The following DIAPH2 variants were observed in gnomAD, a reference collection of about 807,000 sequenced individuals.
DIAPH2 encodes the protein diaphanous related formin 2, also known as protein diaphanous homolog 2.
In DIAPH2, 35 loss-of-function variants were observed where a neutral mutation model predicts 92.7. The ratio of observed to expected loss-of-function variants is 0.38; its 90% confidence interval spans 0.29 to 0.50. The LOEUF (loss-of-function observed/expected upper bound fraction) is 0.50, where lower values mean the gene tolerates loss of function less well. Ranked by LOEUF, DIAPH2 falls within the 20% of genes least tolerant of loss-of-function variation. DIAPH2 has a pLI of 0.94. For synonymous variants in DIAPH2, 301 were observed against 280.4 expected (o/e 1.07, Z -0.73); for missense variants, 701 against 819.5 (o/e 0.86, Z 1.77).
At chrX:97,079,650 G>A (rs1030965713) in intron 19 of DIAPH2, among the ~76,000 whole-genome samples, 3 of 111,377 alleles carry the variant, frequency 2.7e-5, no homozygotes, top group Non-Finnish European at 3.8e-5. Flanking sequence ...TAGAATATCA[G>A]GACCAATGGA....
intron 22 of DIAPH2, among the ~76,000 whole-genome samples, chrX:97,214,373 G>A (rs1260877030): frequency 9.0e-6 from 1 of 110,835 alleles, no homozygotes; most frequent in African/African-American, 3.3e-5. Context: ...GGAGGCTAAG[G>A]CAGGAAGACT....
chrX:97,377,992 TA>T (rs1214705584), intron 24 of DIAPH2, among the ~76,000 whole-genome samples: 27 of 104,698 alleles, frequency 2.6e-4, no homozygotes, highest in African/African-American at 4.1e-4. Flanking sequence ...CCAGAAAACT[TA>T]AAAAAAAAAA....
intron 24 of DIAPH2, among the ~76,000 whole-genome samples, chrX:97,377,372 A>AGTAGGTTT (rs1393468142): frequency 8.9e-6 from 1 of 112,164 alleles, no homozygotes; most frequent in Non-Finnish European, 1.9e-5. Flanking sequence ...CTGGTAATGC[A>AGTAGGTTT]GTAGGTTTGT....
chrX:96,824,496 AC>A (rs1308939642), intron 4 of DIAPH2, among the ~76,000 whole-genome samples: 1 of 110,915 alleles, frequency 9.0e-6, no homozygotes, highest in South Asian at 3.8e-4. Flanking sequence ...AAAAAAAAAA[AC>A]AAATAAATGC....
At chrX:96,766,435 G>C (rs2147608669) in intron 4 of DIAPH2, among the ~76,000 whole-genome samples, 1 of 110,554 alleles carries the variant, frequency 9.0e-6, no homozygotes, top group East Asian at 2.9e-4. Context: ...GTTTAGGTGG[G>C]ATGGTTGTCT....
At chrX:96,863,849 C>T (rs1175887117) in intron 4 of DIAPH2, among the ~76,000 whole-genome samples, 1 of 111,389 alleles carries the variant, frequency 9.0e-6, no homozygotes, top group Non-Finnish European at 1.9e-5. Context: ...ACTACTTGAG[C>T]CCAGAAGTTC....
At chrX:97,239,834 A>ATC (rs370959933) in intron 22 of DIAPH2, among the ~76,000 whole-genome samples, 1,261 of 98,092 alleles carry the variant, frequency 0.013, 14 homozygotes, top group South Asian at 0.1. Flanking sequence ...TCTAGTAAAA[A>ATC]TCTCTCTCTC....
chrX:97,577,243 C>T (rs956871924), intron 26 of DIAPH2, among the ~76,000 whole-genome samples: 6 of 112,045 alleles, frequency 5.4e-5, no homozygotes, highest in South Asian at 3.7e-4. Context: ...TTGTCCTGCA[C>T]GAATATGTAT....
intron 26 of DIAPH2, among the ~76,000 whole-genome samples, chrX:97,485,145 C>T (rs927229542): frequency 2.2e-4 from 25 of 111,599 alleles, no homozygotes; most frequent in Admixed American, 2.2e-3. Flanking sequence ...CTGTAAATAC[C>T]GAAGGCAATT....
intron 22 of DIAPH2, among the ~76,000 whole-genome samples, chrX:97,242,758 C>T (rs748888027): frequency 1.8e-5 from 2 of 110,300 alleles, no homozygotes; most frequent in East Asian, 2.8e-4. Flanking sequence ...AAATGTGGCA[C>T]CCCACTGCAA....
chrX:96,758,857 CTTG>C (rs756254163), intron 4 of DIAPH2, among the ~76,000 whole-genome samples: 22 of 110,856 alleles, frequency 2.0e-4, no homozygotes, highest in Non-Finnish European at 3.6e-4. Flanking sequence ...ATTGAAAGGA[CTTG>C]TTGTTATTAG....
chrX:97,333,240 C>T (rs771623292), intron 23 of DIAPH2, among the ~76,000 whole-genome samples: 2 of 111,882 alleles, frequency 1.8e-5, no homozygotes, highest in Non-Finnish European at 3.8e-5. Context: ...GTACTTCTTA[C>T]TGCTTTGTAC....
intron 23 of DIAPH2, among the ~76,000 whole-genome samples, chrX:97,308,955 T>C (rs1455727553): frequency 9.9e-6 from 1 of 101,002 alleles, no homozygotes. Flanking sequence ...GAGGCAGAGG[T>C]TGTAGTGAGC....
chrX:97,471,907 C>T (rs982871708), intron 26 of DIAPH2, among the ~76,000 whole-genome samples: 10 of 110,370 alleles, frequency 9.1e-5, no homozygotes, highest in Admixed American at 6.8e-4. Flanking sequence ...TGGGCAAGGT[C>T]GCAGCTGGTG....
At chrX:97,055,009 TTTTATTTA>T (rs201638453) in intron 17 of DIAPH2, among the ~76,000 whole-genome samples, 4 of 110,203 alleles carry the variant, frequency 3.6e-5, no homozygotes, top group Non-Finnish European at 7.6e-5. Flanking sequence ...TTCTTTTTAA[TTTTATTTA>T]TTTATTTATT....
At chrX:96,922,301 T>C (rs1232854186) in intron 9 of DIAPH2, among the ~76,000 whole-genome samples, 1 of 111,415 alleles carries the variant, frequency 9.0e-6, no homozygotes, top group Non-Finnish European at 1.9e-5. Flanking sequence ...CTAAGTCTTC[T>C]CTTCTTCCTG....
intron 4 of DIAPH2, among the ~76,000 whole-genome samples, chrX:96,822,322 C>T (rs974041730): frequency 1.8e-5 from 2 of 111,477 alleles, no homozygotes; most frequent in Non-Finnish European, 3.8e-5. Flanking sequence ...TACTGTATTC[C>T]TTTCTTCCTT....
At chrX:97,417,377 C>T (rs1477407696) in intron 25 of DIAPH2, among the ~76,000 whole-genome samples, 5 of 97,459 alleles carry the variant, frequency 5.1e-5, no homozygotes, top group Non-Finnish European at 1.0e-4. Context: ...GTCACACATA[C>T]ACACACACAC....
intron 22 of DIAPH2, among the ~76,000 whole-genome samples, chrX:97,229,326 A>ATT (rs34322686): frequency 2.1e-4 from 23 of 107,343 alleles, no homozygotes; most frequent in East Asian, 8.8e-4. Flanking sequence ...TGTCTTAAGA[A>ATT]TTTTTTTTTT....
Sources: allele counts gnomAD v4.1 joint callset (sites outside exome capture counted in the v4.1 genomes callset), GRCh38; gene constraint gnomAD v4.1.1; transcripts MANE v1.5; gene names NCBI Gene and HGNC (gene_info 2026-07-23, HGNC 2026-07-21).